Variants in ZNF597 observed in about 807,000 individuals in gnomAD.
ZNF597 encodes zinc finger protein 597.
In ZNF597, 5 loss-of-function variants were observed where a neutral mutation model predicts 7.3. That is an observed-to-expected ratio of 0.68 (90% CI 0.36 to 1.44). The LOEUF is 1.44. ZNF597 is among the 40% of genes most tolerant of loss of function. ZNF597 has a pLI of 0.04. For missense variants in ZNF597, 585 were observed against 517.9 expected (o/e 1.13, Z -1.26); for synonymous variants, 209 against 185.4 (o/e 1.13, Z -1.04).
Position 3,435,220 on chromosome 16 carries a change from C to T in ZNF597, c.*1204G>A, listed in dbSNP as rs540680743. ...TCATCTGATTAGAGGGACAAGAATT[C>T]AAACCTGAAGTCCTGGAGAGTCTTC... On this transcript the variant is annotated 3_prime_UTR_variant, in exon 4 of 4. Coordinates refer to ENST00000301744, the MANE Select transcript of ZNF597 (RefSeq NM_152457.3). 1 of 152,272 alleles carries T rather than the reference C, an allele frequency of 6.6e-6. No homozygotes were observed. Among genetic ancestry groups the T allele is most frequent in the East Asian group, 1.9e-4 (1 of 5,188 alleles). 9.4% of individuals were successfully genotyped at this position (152,272 alleles called of 1,614,324 possible). A position where few individuals can be genotyped will look rare whatever the true frequency, so the allele number is the denominator to read the frequency against.
At chr16:3,437,614 A>G in intron 3 of ZNF597, 76 bp from the exon 4 acceptor site, 2 of 1,486,646 alleles carry the variant, frequency 1.3e-6, no homozygotes, top group South Asian at 1.4e-5. Flanking sequence ...AAGCTAAGGT[A>G]GTTACAAACA....
Position 3,437,314 on chromosome 16 carries a change from A to G in ZNF597, c.385T>C (p.Leu129=), listed in dbSNP as rs1020662905. The part of the protein sequence containing the change: ...LLVTIENHTP[L]VELSEYLGTN... Reference sequence around the variant, plus strand: ...CCTAAATATTCAGAGAGTTCTACTAATGGGGTGTGGTTTTCAATGGTAACT... The same window carrying G: ...CCTAAATATTCAGAGAGTTCTACTAGTGGGGTGTGGTTTTCAATGGTAACT... Residue 129 remains leucine (L), a synonymous_variant, in exon 4 of 4, where the codon TTA becomes CTA. Transcript: ENST00000301744. 10 of 1,613,996 alleles carry G rather than the reference A, an allele frequency of 6.2e-6. No individual in the cohort carries two copies. In the Admixed American group the frequency reaches 8.3e-5, roughly 13 times the overall value.
At position 3,440,943 on chromosome 16, in the gene ZNF597, A is replaced by T. The variant is rs373855901; in HGVS notation, c.34-10T>A. 6.2e-7 allele frequency: 1 copy of T among 1,612,032 alleles called. No homozygotes were observed. Among genetic ancestry groups the T allele is most frequent in the East Asian group, 2.2e-5 (1 of 44,814 alleles). ...CAAAGAGTATTGGTCCCTGAAACAC[A>T]AGAGCCTGTGTCAGCACAAGAGGGT... On this transcript the variant is annotated splice_polypyrimidine_tract_variant and intron_variant, in intron 2 of 3. Coordinates refer to ENST00000301744, the MANE Select transcript of ZNF597 (RefSeq NM_152457.3).
intron 2 of ZNF597, among the ~76,000 whole-genome samples, chr16:3,442,835 G>A (rs1415605206): frequency 3.3e-5 from 5 of 152,094 alleles, no homozygotes; most frequent in African/African-American, 1.2e-4. Context: ...CAGCGACAAG[G>A]CCAGACCCTA....
In ZNF597 at chr16:3,440,839, G is replaced by A; in HGVS notation, c.128C>T (p.Thr43Ile). The A allele has an allele frequency of 6.2e-7, 1 of 1,614,000 alleles. No individual in the cohort carries two copies. The highest frequency in any genetic ancestry group is 8.5e-7 in the Non-Finnish European group (1 of 1,179,932). ...PAQRSLSKDGTKESLEDAALM... is the reference protein window; with the variant it reads ...PAQRSLSKDGIKESLEDAALM... The stretch of plus-strand genomic sequence containing the variant: ...AGCCGCATCCTCCAAAGACTCTTTT[G>A]TACCATCTTTGCTGAGGGACCTCTG... The change falls in exon 3 of 4, where the codon ACA becomes ATA. Residue 43 changes from threonine (T) to isoleucine (I), a missense_variant. By Grantham distance (89) the Thr-to-Ile change is moderately conservative. Coordinates refer to ENST00000301744, the MANE Select transcript of ZNF597 (RefSeq NM_152457.3).
chr16:3,443,298 C>T, intron 1 of ZNF597, 62 bp downstream of exon 1: 3 of 763,862 alleles, frequency 3.9e-6, no homozygotes, highest in South Asian at 1.9e-5. Context: ...TCCGAACCCC[C>T]CCTTAAAAAC....
In ZNF597 at chr16:3,435,933, G is replaced by C. The variant is rs1475911316; in HGVS notation, c.*491C>G. ...CAGAAAAAAACTTCTGAACGCCTGTGGGAATTCACATGTAGAACAGCAATC... is the reference window on the plus strand; with the variant it reads ...CAGAAAAAAACTTCTGAACGCCTGTCGGAATTCACATGTAGAACAGCAATC... On this transcript the variant is annotated 3_prime_UTR_variant, in exon 4 of 4. Coordinates refer to ENST00000301744, the MANE Select transcript of ZNF597 (RefSeq NM_152457.3). The C allele has an allele frequency of 6.5e-6, 1 of 154,006 alleles. No homozygotes were observed. The highest frequency in any genetic ancestry group is 2.4e-5 in the African/African-American group (1 of 41,414). The allele number at this position is 154,006 out of a possible 1,614,324, so 9.5% of individuals were successfully genotyped here. A position where few individuals can be genotyped will look rare whatever the true frequency, so the allele number is the denominator to read the frequency against.
intron 3 of ZNF597, among the ~76,000 whole-genome samples, chr16:3,438,998 GC>G (rs2034335290): frequency 6.6e-6 from 1 of 152,176 alleles, no homozygotes; most frequent in Non-Finnish European, 1.5e-5. Context: ...GATCAGGGAT[GC>G]CAAGGCAGCT....
intron 2 of ZNF597, among the ~76,000 whole-genome samples, chr16:3,442,519 C>G (rs1353054201): frequency 6.6e-6 from 1 of 151,820 alleles, no homozygotes; most frequent in Admixed American, 6.6e-5. Context: ...ACTAAAAATA[C>G]AAAAAATTAG....
At chr16:3,438,740 T>C (rs929962242) in intron 3 of ZNF597, among the ~76,000 whole-genome samples, 4 of 152,220 alleles carry the variant, frequency 2.6e-5, no homozygotes, top group Non-Finnish European at 5.9e-5. Context: ...GAAGGCTGTG[T>C]GTACTGCATG....
At position 3,443,126 on chromosome 16, in the gene ZNF597, C is replaced by G. The variant is rs1188297584; in HGVS notation, c.28G>C (p.Ala10Pro). The G allele has an allele frequency of 6.2e-7, 1 of 1,613,934 alleles. No individual in the cohort carries two copies. The highest frequency in any genetic ancestry group is 8.5e-7 in the Non-Finnish European group (1 of 1,179,964). The change falls in exon 2 of 4, where the codon GCC becomes CCC. Residue 10 changes from alanine to proline, a missense_variant. Transcript: ENST00000301744. ...AAAAAGGTACCTCGACTCACCTGGG[C>G]CTCGGGCGTCGGGGGCATGGACGCC... MASMPPTPE[A>P]QGPILFEDLA...
chr16:3,441,813 A>T lies in ZNF597; in HGVS notation c.34-880T>A, dbSNP rs148942521. Among the ~76,000 whole-genome samples the T allele has an allele frequency of 5.3e-5, 8 of 150,600 alleles. 1 individual carries two copies. In the East Asian group the frequency reaches 1.6e-3, roughly 30 times the overall value. Reference sequence around the variant, plus strand: ...AAAAAAAACTCTGTCTCAAAAAATAAATTAAAATAAAATGAAATTAGCCAG... The same window carrying T: ...AAAAAAAACTCTGTCTCAAAAAATATATTAAAATAAAATGAAATTAGCCAG... On this transcript the variant is annotated intron_variant, in intron 2 of 3. Transcript: ENST00000301744.
At position 3,432,472 on chromosome 16, in the gene ZNF597, A is replaced by G. The variant is rs1242418899; in HGVS notation, c.*3952T>C. ...CCAAATTGCACATTAGACGTAATCA[A>G]TAACTTCAGAGCTTGCAAACTAGAG... On this transcript the variant is annotated 3_prime_UTR_variant, in exon 4 of 4. Transcript: ENST00000301744. The G allele has an allele frequency of 1.3e-5, 2 of 152,164 alleles. No homozygotes were observed. The highest frequency in any genetic ancestry group is 6.6e-5 in the Admixed American group (1 of 15,228). 9.4% of individuals were successfully genotyped at this position (152,164 alleles called of 1,614,324 possible).
Position 3,437,266 on chromosome 16 carries a change from G to C in ZNF597, c.433C>G (p.Leu145Val). 4 of 1,614,206 alleles carry C rather than the reference G, an allele frequency of 2.5e-6. No homozygotes were observed. Among genetic ancestry groups the C allele is most frequent in the Non-Finnish European group, 2.5e-6 (3 of 1,180,038 alleles). The change falls in exon 4 of 4, where the codon CTT becomes GTT. Residue 145 changes from leucine (L) to valine (V), a missense_variant. By Grantham distance (32) the Leu-to-Val change is conservative. Coordinates refer to ENST00000301744, the MANE Select transcript of ZNF597 (RefSeq NM_152457.3). ...TTGGCTCCTTCCCAGGGAGAATCAA[G>C]AATTTCAGAAAGTGTGTTGGTTCCT... The part of the protein sequence containing the change: ...YLGTNTLSEI[L>V]DSPWEGAKNV...
At chr16:3,441,628 G>A (rs2034372233) in intron 2 of ZNF597, among the ~76,000 whole-genome samples, 1 of 152,184 alleles carries the variant, frequency 6.6e-6, no homozygotes, top group African/African-American at 2.4e-5. Context: ...AGAGGTTGCA[G>A]TAAGCCGAGA....
At position 3,436,687 on chromosome 16, in the gene ZNF597, A is replaced by G; in HGVS notation, c.1012T>C (p.Phe338Leu). 1 of 1,614,046 alleles carries G rather than the reference A, an allele frequency of 6.2e-7. No individual in the cohort carries two copies. Among genetic ancestry groups the G allele is most frequent in the Non-Finnish European group, 8.5e-7 (1 of 1,179,970 alleles). ...CAGTCAGGACACTGTAAGGGCTTGA[A>G]TTTTGAGAATGAGAAGAAATTGTCC... ...DGDNFFSFSK[F>L]KPLQCPDCDM... The change falls in exon 4 of 4, where the codon TTC (phenylalanine) becomes CTC (leucine). Residue 338 changes from phenylalanine (F) to leucine (L), a missense_variant. Coordinates refer to ENST00000301744, the MANE Select transcript of ZNF597 (RefSeq NM_152457.3).
intron 3 of ZNF597, among the ~76,000 whole-genome samples, chr16:3,438,341 C>T (rs540167607): frequency 5.6e-4 from 85 of 151,796 alleles, no homozygotes; most frequent in Non-Finnish European, 1.0e-3. Context: ...GGGTGGATCA[C>T]GAGATCAGGA....
rs767318495 is a variant in ZNF597 at position 3,436,807 on chromosome 16, G to A, written c.892C>T (p.His298Tyr). Reference sequence around the variant, plus strand: ...CTGAAGCTCTTCATGCACTTAGTGTGCTGGTACTGGGGGCCTGATACGAAT... The same window carrying A: ...CTGAAGCTCTTCATGCACTTAGTGTACTGGTACTGGGGGCCTGATACGAAT... Reference protein sequence around the residue: ...ETFVSGPQYQHTKCMKSFRQS... With the variant: ...ETFVSGPQYQYTKCMKSFRQS... The change falls in exon 4 of 4, where the codon CAC (histidine) becomes TAC (tyrosine). Residue 298 changes from histidine to tyrosine, a missense_variant. Coordinates refer to ENST00000301744, the MANE Select transcript of ZNF597 (RefSeq NM_152457.3). 3 of 1,613,616 alleles carry A rather than the reference G, an allele frequency of 1.9e-6. No homozygotes were observed. The highest frequency in any genetic ancestry group is 2.5e-6 in the Non-Finnish European group (3 of 1,180,026).
In ZNF597 at chr16:3,436,090, C is replaced by A; in HGVS notation, c.*334G>T. 4.3e-6 allele frequency: 1 copy of A among 234,392 alleles called. No individual in the cohort carries two copies. 14.5% of individuals were successfully genotyped at this position (234,392 alleles called of 1,614,324 possible). A position where few individuals can be genotyped will look rare whatever the true frequency, so the allele number is the denominator to read the frequency against. ...TTCTCCTCCTTCTAAAAGTCAGAAA[C>A]TACGTAAACAAAATTAAAATAACTT... On this transcript the variant is annotated 3_prime_UTR_variant, in exon 4 of 4. Transcript: ENST00000301744.
Sources: gnomAD v4.1 joint callset for allele counts (sites outside exome capture counted in the v4.1 genomes callset) on GRCh38, gnomAD v4.1.1 for gene constraint, MANE v1.5 for transcripts, NCBI Gene and HGNC (gene_info 2026-07-23, HGNC 2026-07-21) for gene names.